The following ALK variants were observed in gnomAD, a reference collection of about 807,000 sequenced individuals.
The protein encoded by ALK is ALK tyrosine kinase receptor.
Under a neutral mutation model 163.1 loss-of-function variants are expected in ALK, and 74 were observed. The ratio of observed to expected loss-of-function variants is 0.45; its 90% confidence interval spans 0.38 to 0.55. ALK has a LOEUF of 0.55. Among genes scored for constraint, ALK ranks in the 20% least tolerant of loss-of-function variants. ALK has a pLI of 0.00. For synonymous variants in ALK, 960 were observed against 843.2 expected (o/e 1.14, Z -2.40); for missense variants, 2,063 against 2,105.3 (o/e 0.98, Z 0.39).
At chr2:29,611,090 A>G (rs1573497483) in intron 3 of ALK, among the ~76,000 whole-genome samples, 1 of 152,110 alleles carries the variant, frequency 6.6e-6, no homozygotes, top group East Asian at 1.9e-4. Context: ...AGGCATGGGA[A>G]TGTTGCCCAT....
intron 1 of ALK, among the ~76,000 whole-genome samples, chr2:29,768,354 TCCCCAGGGAATCCA>T (rs1680920933): frequency 1.3e-5 from 2 of 152,108 alleles, no homozygotes; most frequent in Admixed American, 6.5e-5. Context: ...GAAATAAACC[TCCCCAGGGAATCCA>T]CCTCAGGAAA....
In ALK at chr2:29,633,574, A is replaced by G. The variant is rs181976545; in HGVS notation, c.952+61276T>C. Among the ~76,000 whole-genome samples the G allele has an allele frequency of 4.4e-3, 672 of 152,118 alleles. 5 individuals are homozygous for G. The highest frequency in any genetic ancestry group is 0.034 in the Middle Eastern group (10 of 294). On this transcript the variant is annotated intron_variant, in intron 3 of 28. Coordinates refer to ENST00000389048, the MANE Select transcript of ALK (RefSeq NM_004304.5). Reference sequence around the variant, plus strand: ...CAGAAGATATAATAAATATAGAGAAAAAAATCAATGAAATTGAAAACATAA... The same window carrying G: ...CAGAAGATATAATAAATATAGAGAAGAAAATCAATGAAATTGAAAACATAA...
chr2:29,724,661 C>G (rs377018752), intron 1 of ALK, among the ~76,000 whole-genome samples: 1 of 152,206 alleles, frequency 6.6e-6, no homozygotes, highest in Non-Finnish European at 1.5e-5. Flanking sequence ...CCCATACCTT[C>G]TCTAGGCCTG....
intron 18 of ALK, among the ~76,000 whole-genome samples, chr2:29,226,367 A>G (rs1663992703): frequency 6.6e-6 from 1 of 151,240 alleles, no homozygotes; most frequent in East Asian, 1.9e-4. Flanking sequence ...AGTCCCAGCT[A>G]CTCAGGAGGC....
At chr2:29,655,658 G>A (rs753763304) in intron 3 of ALK, among the ~76,000 whole-genome samples, 11 of 152,146 alleles carry the variant, frequency 7.2e-5, no homozygotes, top group Non-Finnish European at 1.6e-4. Flanking sequence ...TCACCTTGGA[G>A]TTGTAAGGTC....
chr2:29,828,013 C>T (rs571791207), intron 1 of ALK, among the ~76,000 whole-genome samples: 41 of 152,244 alleles, frequency 2.7e-4, no homozygotes, highest in African/African-American at 9.1e-4. Context: ...AATAATACCA[C>T]GCATCTACAA....
At chr2:29,420,511 C>A (rs1292516928) in intron 4 of ALK, among the ~76,000 whole-genome samples, 1 of 151,448 alleles carries the variant, frequency 6.6e-6, no homozygotes, top group Non-Finnish European at 1.5e-5. Context: ...CTTCCAGCCT[C>A]CCCCACCCTG....
At chr2:29,582,378 T>G (rs1174378712) in intron 3 of ALK, among the ~76,000 whole-genome samples, 1 of 152,192 alleles carries the variant, frequency 6.6e-6, no homozygotes, top group South Asian at 2.1e-4. Context: ...AGTATCTCAG[T>G]AACAGGGCCT....
At chr2:29,312,663 T>A (rs1666725109) in intron 8 of ALK, among the ~76,000 whole-genome samples, 1 of 152,152 alleles carries the variant, frequency 6.6e-6, no homozygotes, top group Non-Finnish European at 1.5e-5. Flanking sequence ...CAACATTATG[T>A]CCTCCTGGGC....
At chr2:29,607,692 C>T (rs1168716262) in intron 3 of ALK, among the ~76,000 whole-genome samples, 1 of 152,136 alleles carries the variant, frequency 6.6e-6, no homozygotes, top group Non-Finnish European at 1.5e-5. Context: ...TCTCTCAGTT[C>T]TCCTTCTACC....
intron 1 of ALK, among the ~76,000 whole-genome samples, chr2:29,809,342 A>G (rs1664695542): frequency 6.6e-6 from 1 of 152,230 alleles, no homozygotes; most frequent in South Asian, 2.1e-4. Context: ...TCTCCATCAT[A>G]CTGAGAGTTT....
intron 3 of ALK, among the ~76,000 whole-genome samples, chr2:29,624,080 G>A (rs545711477): frequency 1.7e-4 from 5 of 29,572 alleles, no homozygotes; most frequent in African/African-American, 3.5e-4. Context: ...AAGACTCTTC[G>A]TAGAAAGGTA....
At chr2:29,876,252 T>C (rs1003461469) in intron 1 of ALK, among the ~76,000 whole-genome samples, 1 of 152,194 alleles carries the variant, frequency 6.6e-6, no homozygotes, top group South Asian at 2.1e-4. Context: ...GTCTGGCACA[T>C]GATAAACTCA....
intron 5 of ALK, among the ~76,000 whole-genome samples, chr2:29,374,661 C>A (rs549349719): frequency 6.6e-6 from 1 of 152,128 alleles, no homozygotes; most frequent in East Asian, 1.9e-4. Context: ...GTGGAGGGTG[C>A]GCTGCAGGGG....
chr2:29,733,221 G>C (rs1357995828), intron 1 of ALK, among the ~76,000 whole-genome samples: 1 of 152,232 alleles, frequency 6.6e-6, no homozygotes, highest in Non-Finnish European at 1.5e-5. Flanking sequence ...ATGAAGTAAA[G>C]CAGGATCAGG....
chr2:29,400,203 T>C (rs565755574), intron 4 of ALK, among the ~76,000 whole-genome samples: 1 of 152,360 alleles, frequency 6.6e-6, no homozygotes, highest in Admixed American at 6.5e-5. Context: ...AAAAATCTTT[T>C]GAGCATGCGC....
chr2:29,302,263 A>T (rs1291269857), intron 8 of ALK, among the ~76,000 whole-genome samples: 1 of 152,236 alleles, frequency 6.6e-6, no homozygotes, highest in Non-Finnish European at 1.5e-5. Context: ...CACGCCTGTA[A>T]TCCCAGCACT....
intron 25 of ALK, among the ~76,000 whole-genome samples, chr2:29,208,417 G>A (rs1367788019): frequency 1.3e-5 from 2 of 152,186 alleles, no homozygotes; most frequent in East Asian, 1.9e-4. Flanking sequence ...CAGAGGGCTC[G>A]AGGAGTCATG....
chr2:29,543,046 T>C (rs1398224274), intron 3 of ALK, among the ~76,000 whole-genome samples: 2 of 152,176 alleles, frequency 1.3e-5, no homozygotes, highest in African/African-American at 4.8e-5. Context: ...CTTTTCTTCT[T>C]CTTTTAACAG....
Sources: allele counts gnomAD v4.1 joint callset (sites outside exome capture counted in the v4.1 genomes callset), GRCh38; gene constraint gnomAD v4.1.1; transcripts MANE v1.5; gene names NCBI Gene and HGNC (gene_info 2026-07-23, HGNC 2026-07-21).